Variants in CPEB3 observed in about 807,000 individuals in gnomAD.
The protein encoded by CPEB3 is cytoplasmic polyadenylation element-binding protein 3.
Under a neutral mutation model 67.2 loss-of-function variants are expected in CPEB3, and 20 were observed. The ratio of observed to expected loss-of-function variants is 0.30; its 90% confidence interval spans 0.21 to 0.43. The LOEUF is 0.43. CPEB3 is among the 20% of genes least tolerant of loss of function. The pLI, the probability that CPEB3 is intolerant of heterozygous loss-of-function variation, is 1.00. For missense variants in CPEB3, 746 were observed against 968.6 expected (o/e 0.77, Z 3.05); for synonymous variants, 376 against 393.1 (o/e 0.96, Z 0.51).
chr10:92,244,541 G>A (rs1033211601), intron 1 of CPEB3, among the ~76,000 whole-genome samples: 1 of 150,928 alleles, frequency 6.6e-6, no homozygotes, highest in Non-Finnish European at 1.5e-5. Context: ...GGGTTCAAGC[G>A]ATTCTCCTGC....
intron 7 of CPEB3, among the ~76,000 whole-genome samples, chr10:92,100,748 C>T (rs1222119724): frequency 1.3e-5 from 2 of 152,114 alleles, no homozygotes; most frequent in East Asian, 1.9e-4. Flanking sequence ...CCCGCCACCA[C>T]GCCCAGCTAA....
At chr10:92,119,049 T>A in intron 6 of CPEB3, 3 of 1,565,516 alleles carry the variant, frequency 1.9e-6, no homozygotes, top group Non-Finnish European at 2.6e-6. Flanking sequence ...TGGAATGGGG[T>A]CTGACACTTG....
intron 9 of CPEB3, among the ~76,000 whole-genome samples, chr10:92,066,418 A>C (rs1842550177): frequency 6.6e-6 from 1 of 152,158 alleles, no homozygotes; most frequent in Admixed American, 6.5e-5. Context: ...TAGATAAATA[A>C]ATAAGTAAAT....
Position 92,050,679 on chromosome 10 carries a change from A to C in CPEB3, c.*1533T>G, listed in dbSNP as rs1237236873. 3.3e-5 allele frequency: 5 copies of C among 152,458 alleles called. No individual in the cohort carries two copies. The highest frequency in any genetic ancestry group is 6.5e-5 in the Admixed American group (1 of 15,282). 9.4% of individuals were successfully genotyped at this position (152,458 alleles called of 1,614,324 possible). ...CAGGGAATTAAGTAGTTAGTTTCTC[A>C]CTCAGACAACCAACTCTGCCCAGGC... On this transcript the variant is annotated 3_prime_UTR_variant, in exon 10 of 10. Coordinates refer to ENST00000265997, the MANE Select transcript of CPEB3 (RefSeq NM_014912.5).
chr10:92,106,929 T>C (rs11186825), intron 7 of CPEB3, among the ~76,000 whole-genome samples: 41,772 of 149,182 alleles, frequency 0.28, 5,870 homozygotes, highest in Middle Eastern at 0.34. Context: ...GGTTAAAATA[T>C]GGGGTTCAGA....
chr10:92,147,717 G>A (rs935270767), intron 4 of CPEB3, among the ~76,000 whole-genome samples: 1 of 152,100 alleles, frequency 6.6e-6, no homozygotes, highest in African/African-American at 2.4e-5. Context: ...CTGGAGATTG[G>A]CGGGGAGAGA....
At chr10:92,090,779 A>C (rs1843582502) in intron 8 of CPEB3, among the ~76,000 whole-genome samples, 1 of 152,136 alleles carries the variant, frequency 6.6e-6, no homozygotes, top group African/African-American at 2.4e-5. Context: ...AATGCTTTTC[A>C]CGTTTGAATT....
rs373327541 is a variant in CPEB3, at chr10:92,172,504, C to T, written c.1222+8459G>A. Among the ~76,000 whole-genome samples the T allele has an allele frequency of 3.3e-5, 5 of 152,130 alleles. No homozygotes were observed. The East Asian group carries it at 9.6e-4, about 29-fold the overall frequency. On this transcript the variant is annotated intron_variant, in intron 4 of 9. Coordinates refer to ENST00000265997, the MANE Select transcript of CPEB3 (RefSeq NM_014912.5). The stretch of plus-strand genomic sequence containing the variant: ...TAGTTATAAAGGAGTTAAATGAAAC[C>T]CAAGTGACCTTTTGGGAAAATCCAA...
At chr10:92,150,474 G>A (rs767456051) in intron 4 of CPEB3, among the ~76,000 whole-genome samples, 8 of 152,160 alleles carry the variant, frequency 5.3e-5, no homozygotes, top group Non-Finnish European at 7.4e-5. Context: ...TGACTCTTGA[G>A]CTAGTAGACA....
At chr10:92,217,477 A>C (rs1415208168) in intron 2 of CPEB3, among the ~76,000 whole-genome samples, 8 of 152,184 alleles carry the variant, frequency 5.3e-5, no homozygotes, top group African/African-American at 1.9e-4. Flanking sequence ...ATTCATATTA[A>C]CAAGCTGGGC....
intron 8 of CPEB3, among the ~76,000 whole-genome samples, chr10:92,088,007 T>C (rs1166383353): frequency 1.3e-5 from 2 of 152,118 alleles, no homozygotes; most frequent in East Asian, 1.9e-4. Context: ...AAACAAGATC[T>C]GATAAACACC....
chr10:92,053,628 G>A (rs552072313), intron 9 of CPEB3, among the ~76,000 whole-genome samples: 15 of 149,312 alleles, frequency 1.0e-4, no homozygotes, highest in Admixed American at 4.1e-4. Flanking sequence ...TGCAAGCTCC[G>A]CCTCCCAGGT....
chr10:92,170,667 A>G (rs1847958484), intron 4 of CPEB3, among the ~76,000 whole-genome samples: 2 of 151,944 alleles, frequency 1.3e-5, no homozygotes, highest in Non-Finnish European at 2.9e-5. Flanking sequence ...GAAAGGAAGG[A>G]AGGGAGGGAG....
chr10:92,222,091 TC>T (rs2134452445), intron 2 of CPEB3, among the ~76,000 whole-genome samples: 1 of 152,248 alleles, frequency 6.6e-6, no homozygotes, highest in South Asian at 2.1e-4. Flanking sequence ...ATAAAAAATA[TC>T]CACAGCACAT....
At chr10:92,201,255 C>T (rs1052086079) in intron 2 of CPEB3, among the ~76,000 whole-genome samples, 1 of 152,106 alleles carries the variant, frequency 6.6e-6, no homozygotes, top group Non-Finnish European at 1.5e-5. Flanking sequence ...AGGCCGGGCA[C>T]GGTGGCTCAC....
chr10:92,181,499 C>T (rs971101241), intron 3 of CPEB3, among the ~76,000 whole-genome samples: 8 of 151,534 alleles, frequency 5.3e-5, no homozygotes, highest in Admixed American at 2.6e-4. Context: ...AGAAGGAAGA[C>T]GGTAAAATTC....
chr10:92,193,947 C>A (rs907479358), intron 2 of CPEB3, among the ~76,000 whole-genome samples: 14 of 151,632 alleles, frequency 9.2e-5, no homozygotes, highest in African/African-American at 3.4e-4. Context: ...CAGGCACCCG[C>A]CACCATGCCC....
chr10:92,258,672 A>ATG (rs1852648487), intron 1 of CPEB3, among the ~76,000 whole-genome samples: 1 of 113,436 alleles, frequency 8.8e-6, no homozygotes, highest in South Asian at 2.8e-4. Context: ...ATATATATAT[A>ATG]TATATATTTC....
intron 7 of CPEB3, among the ~76,000 whole-genome samples, chr10:92,102,479 AG>A (rs1236808657): frequency 3.9e-5 from 6 of 152,290 alleles, no homozygotes; most frequent in African/African-American, 9.6e-5. Flanking sequence ...AGGTACAAAA[AG>A]GAAACTCCTG....
Sources: gnomAD v4.1 joint callset for allele counts (sites outside exome capture counted in the v4.1 genomes callset) on GRCh38, gnomAD v4.1.1 for gene constraint, MANE v1.5 for transcripts, NCBI Gene and HGNC (gene_info 2026-07-23, HGNC 2026-07-21) for gene names.